WDR17: variants seen among roughly 807,000 people sequenced by gnomAD.
WDR17 encodes WD repeat-containing protein 17.
WDR17 carries 143 observed loss-of-function variants against 161.7 expected under a neutral mutation model. The ratio of observed to expected loss-of-function variants is 0.88; its 90% CI spans 0.77 to 1.02. WDR17 has a LOEUF of 1.02. Ranked by LOEUF, WDR17 falls within the 50% of genes least tolerant of loss-of-function variation. The probability of loss-of-function intolerance (pLI) is 0.00; values close to 1 mark genes in which losing one functional copy is unlikely to be tolerated. For synonymous variants in WDR17, 517 were observed against 515.6 expected (o/e 1.00, Z -0.04); for missense variants, 1,469 against 1,520.9 (o/e 0.97, Z 0.57).
At chr4:176,133,886 C>T (rs1332769908) in intron 7 of WDR17, among the ~76,000 whole-genome samples, 1 of 151,692 alleles carries the variant, frequency 6.6e-6, no homozygotes, top group Non-Finnish European at 1.5e-5. Context: ...TCTTACTCAC[C>T]TTCCTTTTGG....
At position 176,137,560 on chromosome 4, in the gene WDR17, T is replaced by G. The variant is rs747623113; in HGVS notation, c.1308T>G (p.Gly436=). The G allele has an allele frequency of 6.2e-7, 1 of 1,601,084 alleles. No individual in the cohort carries two copies. The highest frequency in any genetic ancestry group is 1.3e-5 in the African/African-American group (1 of 74,712). ...TTGCTGGGGGAACTTCCCGAAATGG[T>G]GCTTTTATTTGGAATGTTCAAAAGG... ...NCIAGGTSRN[G]AFIWNVQKGK... The change falls in exon 9 of 29, where the codon GGT becomes GGG. Residue 436 remains glycine, a synonymous_variant. Transcript: ENST00000508596.
intron 1 of WDR17, among the ~76,000 whole-genome samples, chr4:176,091,042 C>A (rs879378499): frequency 2.0e-5 from 3 of 152,144 alleles, no homozygotes. Context: ...AACCTCCCAG[C>A]GTGGGCATCA....
intron 1 of WDR17, among the ~76,000 whole-genome samples, chr4:176,086,137 C>T (rs1233662085): frequency 6.6e-6 from 1 of 151,774 alleles, no homozygotes; most frequent in Non-Finnish European, 1.5e-5. Flanking sequence ...AGACTTAATT[C>T]TATCCTGATT....
At chr4:176,118,893 G>A (rs1485258858) in intron 3 of WDR17, among the ~76,000 whole-genome samples, 4 of 151,886 alleles carry the variant, frequency 2.6e-5, no homozygotes, top group Admixed American at 6.6e-5. Context: ...CCCGGGAGGC[G>A]GAGCTTGCAG....
Position 176,151,713 on chromosome 4 carries a change from GC to G in WDR17, c.2305-98del, listed in dbSNP as rs557695794. On this transcript the variant is annotated intron_variant, in intron 16 of 28. Transcript: ENST00000508596. ...TGTGTGTTAGGAACATTTCAATTCC[GC>G]TCTATTAGTTATTTCAAAATATGCA... 4.2e-3 allele frequency: 4,456 copies of G among 1,069,008 alleles called. 16 individuals carry two copies. The highest frequency in any genetic ancestry group is 5.4e-3 in the Non-Finnish European group (4,146 of 763,720). 66.2% of individuals were successfully genotyped at this position (1,069,008 alleles called of 1,614,324 possible).
In WDR17 at chr4:176,160,033, C is replaced by T. The variant is rs540922063; in HGVS notation, c.2565C>T (p.Val855=). Residue 855 remains valine (V), a synonymous_variant, in exon 19 of 29, where the codon GTC becomes GTT. Transcript: ENST00000508596. The part of the protein sequence containing the change: ...DQLIQEDKDD[V]IPYCIAIGDV... The stretch of plus-strand genomic sequence containing the variant: ...TAATCCAGGAAGATAAGGATGATGT[C>T]ATTCCATACTGCATAGCCATTGGTG... The T allele has an allele frequency of 1.9e-6, 3 of 1,612,490 alleles. No individual in the cohort carries two copies. The South Asian group carries it at 3.3e-5, about 18-fold the overall frequency.
chr4:176,139,973 TGGTA>T lies in WDR17; in HGVS notation c.1442_1442+3del. ...AGCAACCTGCAGCAGTGATGGTTTC[TGGTA>T]AGTACTATGTATGATACATGATATG... On this transcript the variant is annotated splice_donor_variant and splice_donor_region_variant and coding_sequence_variant and intron_variant, in exon 10 of 29. Coordinates refer to ENST00000508596, the MANE Select transcript of WDR17 (RefSeq NM_181265.4). LOFTEE classifies it high-confidence loss of function. The T allele has an allele frequency of 6.2e-7, 1 of 1,609,000 alleles. No individual in the cohort carries two copies. The highest frequency in any genetic ancestry group is 8.5e-7 in the Non-Finnish European group (1 of 1,176,254).
At chr4:176,107,052 C>T (rs1425072002) in intron 1 of WDR17, among the ~76,000 whole-genome samples, 2 of 152,028 alleles carry the variant, frequency 1.3e-5, no homozygotes, top group Non-Finnish European at 2.9e-5. Context: ...GGGATTAATA[C>T]CGCAAATATA....
chr4:176,116,733 T>G (rs1407729348), intron 3 of WDR17, among the ~76,000 whole-genome samples: 1 of 151,918 alleles, frequency 6.6e-6, no homozygotes, highest in African/African-American at 2.4e-5. Context: ...TTTGTTCAAA[T>G]TTCTTTGTAA....
At position 176,109,334 on chromosome 4, in the gene WDR17, A is replaced by T. The variant is rs897713806; in HGVS notation, c.-6-2241A>T. 3.3e-5 allele frequency among the ~76,000 whole-genome samples: 5 copies of T among 152,056 alleles called. No individual in the cohort carries two copies. In the East Asian group the frequency reaches 9.7e-4, roughly 29 times the overall value. On this transcript the variant is annotated intron_variant, in intron 1 of 28. Transcript: ENST00000508596. ...AACATTACTAAGTGTAAAAAAAAAA[A>T]GAAGTGTATATCTTTTTTATTTACC...
intron 1 of WDR17, chr4:176,098,040 C>T (rs1480667533): frequency 6.6e-6 from 1 of 151,860 alleles, no homozygotes; most frequent in African/African-American, 2.4e-5. Context: ...GTTTGAGCTC[C>T]TTCCGGCTTA....
At chr4:176,113,230 A>T (rs1359162797) in intron 2 of WDR17, among the ~76,000 whole-genome samples, 1 of 151,986 alleles carries the variant, frequency 6.6e-6, no homozygotes, top group Non-Finnish European at 1.5e-5. Flanking sequence ...CCTAACCCTA[A>T]GTCCTTATCT....
chr4:176,107,555 A>T (rs986770492), intron 1 of WDR17, among the ~76,000 whole-genome samples: 1 of 151,694 alleles, frequency 6.6e-6, no homozygotes, highest in Non-Finnish European at 1.5e-5. Flanking sequence ...AGACACGTGG[A>T]TAAGGAAATA....
At chr4:176,099,105 T>A (rs1039115720) in intron 1 of WDR17, among the ~76,000 whole-genome samples, 1 of 152,180 alleles carries the variant, frequency 6.6e-6, no homozygotes, top group African/African-American at 2.4e-5. Flanking sequence ...GCAGAGAAAC[T>A]GCTGGTTTCT....
intron 8 of WDR17, among the ~76,000 whole-genome samples, chr4:176,135,503 A>G (rs1333801229): frequency 6.6e-6 from 1 of 151,528 alleles, no homozygotes. Flanking sequence ...ATGTAGAAAA[A>G]CCACAGTAAA....
In WDR17 at chr4:176,147,726, G is replaced by A. The variant is rs182398010; in HGVS notation, c.1695-407G>A. Among the ~76,000 whole-genome samples, 153 of 152,118 alleles carry A rather than the reference G, an allele frequency of 1.0e-3. 1 individual carries two copies. Among genetic ancestry groups the A allele is most frequent in the Non-Finnish European group, 2.0e-3 (139 of 67,994 alleles). On this transcript the variant is annotated intron_variant, in intron 12 of 28. Transcript: ENST00000508596. Reference sequence around the variant, plus strand: ...CACATGTAACTAACCGGCACATTGTGCACATGTACCCTAAAACTTAAAGTA... The same window carrying A: ...CACATGTAACTAACCGGCACATTGTACACATGTACCCTAAAACTTAAAGTA...
Position 176,180,053 on chromosome 4 carries a change from T to C in WDR17, c.*474T>C, listed in dbSNP as rs1253304705. The C allele has an allele frequency of 6.6e-6, 1 of 152,194 alleles. No individual in the cohort carries two copies. Among genetic ancestry groups the C allele is most frequent in the African/African-American group, 2.4e-5 (1 of 41,448 alleles). The allele number at this position is 152,194 out of a possible 1,614,324, so 9.4% of individuals were successfully genotyped here. ...TTCAACTTAACAAACACTTACGTTC[T>C]CCTTTATAAAATGCATAGTAAACCA... On this transcript the variant is annotated 3_prime_UTR_variant, in exon 29 of 29. Transcript: ENST00000508596.
At chr4:176,113,993 C>G (rs747248416) in intron 2 of WDR17, among the ~76,000 whole-genome samples, 7 of 151,966 alleles carry the variant, frequency 4.6e-5, no homozygotes, top group Non-Finnish European at 1.0e-4. Flanking sequence ...GCAAATAGTT[C>G]AGTGTTCTCT....
At chr4:176,067,569 T>G (rs1732690434) in intron 1 of WDR17, among the ~76,000 whole-genome samples, 1 of 152,264 alleles carries the variant, frequency 6.6e-6, no homozygotes. Context: ...CTTGAAAGTT[T>G]TAACATTCTT....
Sources: gnomAD v4.1 joint callset for allele counts (sites outside exome capture counted in the v4.1 genomes callset) on GRCh38, gnomAD v4.1.1 for gene constraint, MANE v1.5 for transcripts, NCBI Gene and HGNC (gene_info 2026-07-23, HGNC 2026-07-21) for gene names.